The following KCNQ1 variants were observed in gnomAD, a reference collection of about 807,000 sequenced individuals.
KCNQ1 encodes the protein potassium voltage-gated channel subfamily KQT member 1.
In KCNQ1, 49 loss-of-function variants were observed where a neutral mutation model predicts 72.4. The ratio of observed to expected loss-of-function variants is 0.68; its 90% confidence interval spans 0.54 to 0.86. The LOEUF (loss-of-function observed/expected upper bound fraction) is 0.86. Among genes scored for constraint, KCNQ1 ranks in the 40% least tolerant of loss-of-function variants. The probability of loss-of-function intolerance (pLI) is 0.00; values close to 1 mark genes in which losing one functional copy is unlikely to be tolerated. For missense variants in KCNQ1, 790 were observed against 945.1 expected (o/e 0.84, Z 2.15); for synonymous variants, 450 against 412.6 (o/e 1.09, Z -1.10).
Position 2,495,582 on chromosome 11 carries a change from A to T in KCNQ1, c.387-32346A>T, listed in dbSNP as rs1415257876. 6.6e-6 allele frequency among the ~76,000 whole-genome samples: 1 copy of T among 152,012 alleles called. No homozygotes were observed. The highest frequency in any genetic ancestry group is 1.5e-5 in the Non-Finnish European group (1 of 68,000). ...AAAGAATTTCTTTATTTCTGCCTTG[A>T]TTTTGTTATTTACTCAGTAGTCATT... On this transcript the variant is annotated intron_variant, in intron 1 of 15. Transcript: ENST00000155840. The surrounding 1 kb of genome is among the most constrained non-coding windows in gnomAD (Gnocchi z 4.6).
intron 2 of KCNQ1, among the ~76,000 whole-genome samples, chr11:2,534,108 G>A (rs952509324): frequency 2.6e-5 from 4 of 151,962 alleles, no homozygotes; most frequent in Admixed American, 1.3e-4. Context: ...TTCCCTCCCA[G>A]CTCAGAGCAA....
At chr11:2,635,255 C>A (rs542780430) in intron 10 of KCNQ1, 1 of 152,200 alleles carries the variant, frequency 6.6e-6, no homozygotes, top group East Asian at 1.9e-4. Context: ...AAGTCCTTGC[C>A]CATGCCTATG....
At chr11:2,655,078 C>G in intron 10 of KCNQ1, 1 of 398,550 alleles carries the variant, frequency 2.5e-6, no homozygotes, top group Non-Finnish European at 4.4e-6. Context: ...TTTTCTGTGC[C>G]TGTATTTTTA....
chr11:2,833,576 T>A (rs980172942), intron 15 of KCNQ1, among the ~76,000 whole-genome samples: 1 of 152,176 alleles, frequency 6.6e-6, no homozygotes, highest in African/African-American at 2.4e-5. Flanking sequence ...ACCGTGTCAC[T>A]GGGAGGCAAG....
chr11:2,695,436 G>A lies in KCNQ1; in HGVS notation c.1514+33355G>A. ...ATGTACTGAGGCCCTCTTTCTGTTTGGCATTTGTGTCACTCAGCACTGTGT... is the reference window on the plus strand; with the variant it reads ...ATGTACTGAGGCCCTCTTTCTGTTTAGCATTTGTGTCACTCAGCACTGTGT... On this transcript the variant is annotated intron_variant, in intron 11 of 15. Coordinates refer to ENST00000155840, the MANE Select transcript of KCNQ1 (RefSeq NM_000218.3). This position sits in a 1 kb window ranked among gnomAD's most constrained non-coding sequence, Gnocchi z 5.2. 1 of 398,432 alleles carries A rather than the reference G, an allele frequency of 2.5e-6. No individual in the cohort carries two copies. Among genetic ancestry groups the A allele is most frequent in the Non-Finnish European group, 4.4e-6 (1 of 226,084 alleles). 24.7% of individuals were successfully genotyped at this position (398,432 alleles called of 1,614,324 possible). A position where few individuals can be genotyped will look rare whatever the true frequency, so the allele number is the denominator to read the frequency against.
chr11:2,684,231 C>T (rs1401222639), intron 11 of KCNQ1: 2 of 398,506 alleles, frequency 5.0e-6, no homozygotes, highest in East Asian at 3.6e-5. Flanking sequence ...TGTTAACTGA[C>T]CCTACCCAGT....
In KCNQ1 at chr11:2,749,661, A is replaced by AAG. The variant is rs1554916594; in HGVS notation, c.1515-19182_1515-19181insGA. On this transcript the variant is annotated intron_variant, in intron 11 of 15. Coordinates refer to ENST00000155840, the MANE Select transcript of KCNQ1 (RefSeq NM_000218.3). Reference sequence around the variant, plus strand: ...AAATACAAAAAAAAAAAAAAAAAAAAAATTGTCCGGGCGCGGTGGCGGGCG... The same window carrying AAG: ...AAATACAAAAAAAAAAAAAAAAAAAAAGAATTGTCCGGGCGCGGTGGCGGGCG... Among the ~76,000 whole-genome samples the AAG allele has an allele frequency of 1.7e-3, 234 of 141,542 alleles. 3 individuals carry two copies. Among genetic ancestry groups the AAG allele is most frequent in the African/African-American group, 6.0e-3 (212 of 35,252 alleles). The allele number at this position is 141,542 out of a possible 152,430, so 92.9% of individuals were successfully genotyped here.
chr11:2,454,458 C>G (rs1054610483), intron 1 of KCNQ1, among the ~76,000 whole-genome samples: 16 of 152,146 alleles, frequency 1.1e-4, no homozygotes, highest in Admixed American at 2.6e-4. Context: ...CCCAGAAGGA[C>G]TGATTTCAGG....
chr11:2,579,205 G>T lies in KCNQ1; in HGVS notation c.922-4230G>T, dbSNP rs1848463019. Reference sequence around the variant, plus strand: ...TCCCCTCGAGGCCAGCCTTGAGGAGGCTACTTCTGAAAGGAGGGAATAGAA... The same window carrying T: ...TCCCCTCGAGGCCAGCCTTGAGGAGTCTACTTCTGAAAGGAGGGAATAGAA... On this transcript the variant is annotated intron_variant, in intron 6 of 15. Coordinates refer to ENST00000155840, the MANE Select transcript of KCNQ1 (RefSeq NM_000218.3). The surrounding 1 kb of genome is among the most constrained non-coding windows in gnomAD (Gnocchi z 6.0). 6.6e-6 allele frequency among the ~76,000 whole-genome samples: 1 copy of T among 152,290 alleles called. No individual in the cohort carries two copies. Among genetic ancestry groups the T allele is most frequent in the East Asian group, 1.9e-4 (1 of 5,168 alleles).
intron 1 of KCNQ1, among the ~76,000 whole-genome samples, chr11:2,469,507 G>A (rs1323559559): frequency 4.6e-5 from 7 of 151,894 alleles, no homozygotes; most frequent in Non-Finnish European, 8.8e-5. Context: ...TCCTGACCTC[G>A]TGATCCACCT....
Position 2,624,410 on chromosome 11 carries a change from T to G in KCNQ1, c.1393+35556T>G. 2.5e-6 allele frequency: 1 copy of G among 398,506 alleles called. No individual in the cohort carries two copies. The highest frequency in any genetic ancestry group is 4.4e-6 in the Non-Finnish European group (1 of 226,022). 24.7% of individuals were successfully genotyped at this position (398,506 alleles called of 1,614,324 possible). On this transcript the variant is annotated intron_variant, in intron 10 of 15. Coordinates refer to ENST00000155840, the MANE Select transcript of KCNQ1 (RefSeq NM_000218.3). This position sits in a 1 kb window ranked among gnomAD's most constrained non-coding sequence, Gnocchi z 4.9. ...CAGTATGTTTTACAGAGCAGAAACTTTTATTTTTAACAAAGTCTAGCTTAT... is the reference window on the plus strand; with the variant it reads ...CAGTATGTTTTACAGAGCAGAAACTGTTATTTTTAACAAAGTCTAGCTTAT...
In KCNQ1 at chr11:2,798,549, G is replaced by GA. The variant is rs34275888; in HGVS notation, c.1794+20526dup. Among the ~76,000 whole-genome samples the GA allele has an allele frequency of 7.0e-3, 996 of 142,156 alleles. 9 individuals are homozygous for GA. The highest frequency in any genetic ancestry group is 0.011 in the Middle Eastern group (3 of 270). The allele number at this position is 142,156 out of a possible 152,430, so 93.3% of individuals were successfully genotyped here. A position where few individuals can be genotyped will look rare whatever the true frequency, so the allele number is the denominator to read the frequency against. On this transcript the variant is annotated intron_variant, in intron 15 of 15. Coordinates refer to ENST00000155840, the MANE Select transcript of KCNQ1 (RefSeq NM_000218.3). ...ATGGCAAAATTATGCCGAGTTCCCT[G>GA]AAAAAAAAAAAAAATACCCACTCTA...
intron 11 of KCNQ1, among the ~76,000 whole-genome samples, chr11:2,727,840 G>A (rs1011765962): frequency 2.6e-5 from 4 of 152,176 alleles, no homozygotes; most frequent in African/African-American, 7.2e-5. Context: ...CTATGAAGGG[G>A]CAGGGACGTG....
chr11:2,597,079 A>T (rs1848743818), intron 10 of KCNQ1, among the ~76,000 whole-genome samples: 1 of 152,200 alleles, frequency 6.6e-6, no homozygotes, highest in African/African-American at 2.4e-5. Context: ...AATAATTCTT[A>T]AGAATGAAAA....
intron 1 of KCNQ1, among the ~76,000 whole-genome samples, chr11:2,519,187 G>A (rs1459699207): frequency 6.6e-6 from 1 of 152,186 alleles, no homozygotes; most frequent in Non-Finnish European, 1.5e-5. Flanking sequence ...ACCTACTCCC[G>A]ACGTGGCAGC....
At chr11:2,844,252 C>T (rs1848272871) in intron 15 of KCNQ1, among the ~76,000 whole-genome samples, 1 of 152,210 alleles carries the variant, frequency 6.6e-6, no homozygotes, top group Non-Finnish European at 1.5e-5. Context: ...GTAGCCCAGG[C>T]CTGGGCCCTT....
chr11:2,831,214 G>T (rs190714954), intron 15 of KCNQ1, among the ~76,000 whole-genome samples: 4 of 152,202 alleles, frequency 2.6e-5, no homozygotes, highest in African/African-American at 9.7e-5. Flanking sequence ...GATGGCCATC[G>T]GGTGCAGGGC....
At chr11:2,660,861 A>G (rs1716115817) in intron 10 of KCNQ1, 1 of 398,660 alleles carries the variant, frequency 2.5e-6, no homozygotes, top group Non-Finnish European at 4.4e-6. Flanking sequence ...TCAGCTTTTA[A>G]GAATAAAGAT....
Position 2,617,354 on chromosome 11 carries a change from TA to T in KCNQ1, c.1393+28502del, listed in dbSNP as rs1335190483. The T allele has an allele frequency of 2.5e-6, 1 of 398,336 alleles. No individual in the cohort carries two copies. The highest frequency in any genetic ancestry group is 4.4e-6 in the Non-Finnish European group (1 of 225,934). 24.7% of individuals were successfully genotyped at this position (398,336 alleles called of 1,614,324 possible). On this transcript the variant is annotated intron_variant, in intron 10 of 15. Coordinates refer to ENST00000155840, the MANE Select transcript of KCNQ1 (RefSeq NM_000218.3). The surrounding 1 kb of genome is among the most constrained non-coding windows in gnomAD (Gnocchi z 4.6). Reference sequence around the variant, plus strand: ...ACTTTTCATTTGTATATGGCTTATTTAACTTAGCACAATGTCTTCCAGTTTC... The same window carrying T: ...ACTTTTCATTTGTATATGGCTTATTTACTTAGCACAATGTCTTCCAGTTTC...
Sources: gnomAD v4.1 joint callset for allele counts (sites outside exome capture counted in the v4.1 genomes callset) on GRCh38, gnomAD v4.1.1 for gene constraint, Gnocchi (gnomAD v3.1) non-coding constraint, MANE v1.5 for transcripts, NCBI Gene and HGNC (gene_info 2026-07-23, HGNC 2026-07-21) for gene names.